The following DNAJC7 variants were observed in gnomAD, a reference collection of about 807,000 sequenced individuals.
DNAJC7 encodes DnaJ heat shock protein family (Hsp40) member C7.
Under a neutral mutation model 67.4 loss-of-function variants are expected in DNAJC7, and 18 were observed. The observed-to-expected ratio is 0.27, with a 90% CI of 0.18 to 0.40. The LOEUF is 0.40. DNAJC7 is among the 10% of genes least tolerant of loss of function. DNAJC7 has a pLI of 1.00. For synonymous variants in DNAJC7, 220 were observed against 207.8 expected (o/e 1.06, Z -0.50); for missense variants, 419 against 613.8 (o/e 0.68, Z 3.35).
At chr17:41,989,315 C>G in intron 7 of DNAJC7, 89 bp downstream of exon 7, 11 of 1,495,366 alleles carry the variant, frequency 7.4e-6, no homozygotes, top group Non-Finnish European at 8.1e-6. Context: ...CTATCACATT[C>G]CTTGTGATTC....
chr17:41,986,472 A>G lies in DNAJC7; in HGVS notation c.1010+1347T>C, dbSNP rs181544861. On this transcript the variant is annotated intron_variant, in intron 9 of 13. Transcript: ENST00000457167. ...ACAGAGCATTCCATTAAGTTCATACAGTATCAAGTATCTAGCCACCCCCTT... is the reference window on the plus strand; with the variant it reads ...ACAGAGCATTCCATTAAGTTCATACGGTATCAAGTATCTAGCCACCCCCTT... 6.3e-4 allele frequency among the ~76,000 whole-genome samples: 96 copies of G among 151,416 alleles called. 1 individual carries two copies. Among genetic ancestry groups the G allele is most frequent in the African/African-American group, 2.2e-3 (92 of 41,222 alleles).
chr17:41,995,927 T>A (rs1228261418), intron 4 of DNAJC7, among the ~76,000 whole-genome samples: 1 of 152,226 alleles, frequency 6.6e-6, no homozygotes, highest in Non-Finnish European at 1.5e-5. Context: ...CTGAGCCTCC[T>A]GAGTGGCTGG....
chr17:42,008,465 A>G (rs1247168493), intron 1 of DNAJC7, among the ~76,000 whole-genome samples: 4 of 151,248 alleles, frequency 2.6e-5, no homozygotes, highest in Non-Finnish European at 5.9e-5. Context: ...GTTGGAGTGC[A>G]GTGGCGCCAT....
intron 5 of DNAJC7, among the ~76,000 whole-genome samples, chr17:41,993,359 T>A (rs2051559641): frequency 6.6e-6 from 1 of 152,120 alleles, no homozygotes; most frequent in South Asian, 2.1e-4. Context: ...CTCAGGAGGC[T>A]GAGGCAGGAG....
chr17:42,015,241 A>G (rs1044714820), intron 1 of DNAJC7: 3 of 152,044 alleles, frequency 2.0e-5, no homozygotes, highest in Non-Finnish European at 4.4e-5. Flanking sequence ...CGGCCTCCCA[A>G]AGTGCTGGGA....
At chr17:41,977,049 G>A (rs188082705) in intron 13 of DNAJC7, 1 of 649,822 alleles carries the variant, frequency 1.5e-6, no homozygotes, top group Non-Finnish European at 2.6e-6. Flanking sequence ...TGACCCTGCA[G>A]AGATGCGGTG....
At chr17:41,988,612 T>G (rs532389874) in intron 8 of DNAJC7, 120 bp downstream of exon 8, 6 of 1,246,618 alleles carry the variant, frequency 4.8e-6, no homozygotes, top group Admixed American at 2.8e-5. Flanking sequence ...TAACAAACTA[T>G]TAACCATAAC....
intron 1 of DNAJC7, among the ~76,000 whole-genome samples, chr17:42,008,084 G>C (rs2052017513): frequency 6.6e-6 from 1 of 151,752 alleles, no homozygotes; most frequent in Non-Finnish European, 1.5e-5. Context: ...AGGCCAAGGA[G>C]GGTGGATCAC....
At chr17:42,002,193 T>C (rs1207068954) in intron 1 of DNAJC7, among the ~76,000 whole-genome samples, 2 of 152,188 alleles carry the variant, frequency 1.3e-5, no homozygotes, top group Non-Finnish European at 2.9e-5. Flanking sequence ...CAAAACTGGA[T>C]TTCGATTAGT....
chr17:41,978,020 C>T (rs1419425084), intron 12 of DNAJC7, among the ~76,000 whole-genome samples: 3 of 152,172 alleles, frequency 2.0e-5, no homozygotes, highest in African/African-American at 7.2e-5. Flanking sequence ...GCATACATTA[C>T]ATTACTTAAT....
rs2051443766 is a variant in DNAJC7, at chr17:41,988,801, C to T, written c.849G>A (p.Leu283=). 1.2e-6 allele frequency: 2 copies of T among 1,613,592 alleles called. No homozygotes were observed. The highest frequency in any genetic ancestry group is 1.3e-5 in the African/African-American group (1 of 74,906). Residue 283 remains leucine, a synonymous_variant, in exon 8 of 14, where the codon CTG becomes CTA. Coordinates refer to ENST00000457167, the MANE Select transcript of DNAJC7 (RefSeq NM_003315.4). ...TTTTTATATTGTTGGGGTCTATCCCCAGGGCTTCTGTGTACAGTTCATATG... is the reference window on the plus strand; with the variant it reads ...TTTTTATATTGTTGGGGTCTATCCCTAGGGCTTCTGTGTACAGTTCATATG... ...KLAYELYTEA[L]GIDPNNIKTN... is the part of the protein sequence containing the mutation.
At chr17:42,013,963 T>G (rs1339604332) in intron 1 of DNAJC7, 1 of 151,822 alleles carries the variant, frequency 6.6e-6, no homozygotes, top group African/African-American at 2.4e-5. Context: ...CTGGCTAATT[T>G]TTTTTTTCTA....
chr17:41,986,408 G>T (rs1370769016), intron 9 of DNAJC7, among the ~76,000 whole-genome samples: 1 of 151,642 alleles, frequency 6.6e-6, no homozygotes, highest in Non-Finnish European at 1.5e-5. Flanking sequence ...AAAACAAAGC[G>T]ATTTTTCTCT....
Position 41,976,742 on chromosome 17 carries a change from T to C in DNAJC7, c.1476A>G (p.Gln492=), listed in dbSNP as rs151305433. 263 of 1,608,818 alleles carry C rather than the reference T, an allele frequency of 1.6e-4. No homozygotes were observed. The African/African-American group carries it at 3.3e-3, about 20-fold the overall frequency. ...GGGTGGTTGCCCTTCATTAGCCAAA[T>C]TGAAAAAAGAAATTCCCTGGACCAG... The part of the protein sequence containing the change: ...EASGPGNFFF[Q]FG Residue 492 remains glutamine (Q), a synonymous_variant, in exon 14 of 14, where the codon CAA becomes CAG. Coordinates refer to ENST00000457167, the MANE Select transcript of DNAJC7 (RefSeq NM_003315.4).
intron 9 of DNAJC7, chr17:41,985,502 T>A (rs1555646632): frequency 6.6e-6 from 1 of 152,142 alleles, no homozygotes; most frequent in East Asian, 1.9e-4. Context: ...TGATGAACTT[T>A]CTTTAGGTCT....
intron 1 of DNAJC7, among the ~76,000 whole-genome samples, chr17:42,010,058 C>G (rs2052075832): frequency 6.6e-6 from 1 of 152,304 alleles, no homozygotes; most frequent in East Asian, 1.9e-4. Context: ...AGGAGGATAG[C>G]TTGAACCCAG....
intron 2 of DNAJC7, among the ~76,000 whole-genome samples, chr17:41,999,084 G>GT (rs1236175573): frequency 4.0e-5 from 6 of 151,740 alleles, no homozygotes. Context: ...TCATTCATGA[G>GT]TTTGTTTTTT....
intron 5 of DNAJC7, chr17:41,992,548 C>A (rs1043510169): frequency 1.3e-5 from 2 of 152,238 alleles, no homozygotes; most frequent in African/African-American, 2.4e-5. Context: ...GTCCTGCCCC[C>A]CCAGATGGAA....
At chr17:42,005,731 G>T (rs2051931008) in intron 1 of DNAJC7, among the ~76,000 whole-genome samples, 1 of 151,996 alleles carries the variant, frequency 6.6e-6, no homozygotes, top group African/African-American at 2.4e-5. Context: ...ACCGCACTGT[G>T]GTTTGATTTT....
Sources: gnomAD v4.1 joint callset for allele counts (sites outside exome capture counted in the v4.1 genomes callset) on GRCh38, gnomAD v4.1.1 for gene constraint, MANE v1.5 for transcripts, NCBI Gene and HGNC (gene_info 2026-07-23, HGNC 2026-07-21) for gene names.